The following CBLB variants were observed in gnomAD, a reference collection of about 807,000 sequenced individuals.
CBLB encodes Cbl proto-oncogene B.
A neutral mutation model predicts 104.9 loss-of-function variants in CBLB; 31 were observed. The ratio of observed to expected loss-of-function variants is 0.30; its 90% CI spans 0.22 to 0.40. CBLB has a LOEUF of 0.40. CBLB is among the 10% of genes least tolerant of loss of function. The pLI is 1.00. For missense variants in CBLB, 1,062 were observed against 1,214.6 expected, an observed-to-expected ratio of 0.87 and a Z score of 1.87; for synonymous variants, 440 against 422.6, an observed-to-expected ratio of 1.04 and a Z score of -0.51.
intron 8 of CBLB, among the ~76,000 whole-genome samples, chr3:105,735,474 CA>C (rs1640572793): frequency 6.6e-6 from 1 of 152,042 alleles, no homozygotes; most frequent in Admixed American, 6.5e-5. Flanking sequence ...ATGCAGATCT[CA>C]ATGCAACCTA....
intron 3 of CBLB, among the ~76,000 whole-genome samples, chr3:105,810,928 A>C (rs1276329779): frequency 6.6e-6 from 1 of 152,144 alleles, no homozygotes; most frequent in Non-Finnish European, 1.5e-5. Context: ...CTAAGTATAC[A>C]TATTTTATAA....
chr3:105,662,225 G>A (rs1359636663), intron 18 of CBLB, among the ~76,000 whole-genome samples: 1 of 152,084 alleles, frequency 6.6e-6, no homozygotes, highest in Non-Finnish European at 1.5e-5. Context: ...CTTTTTCACA[G>A]TACCTAAAAG....
At chr3:105,726,500 C>T (rs899165156) in intron 9 of CBLB, among the ~76,000 whole-genome samples, 1 of 151,120 alleles carries the variant, frequency 6.6e-6, no homozygotes, top group African/African-American at 2.4e-5. Flanking sequence ...ATATGAAGAA[C>T]ACAGTTTGGG....
At chr3:105,806,669 T>A (rs946287708) in intron 3 of CBLB, among the ~76,000 whole-genome samples, 1 of 152,140 alleles carries the variant, frequency 6.6e-6, no homozygotes, top group African/African-American at 2.4e-5. Flanking sequence ...AAGTTACTTT[T>A]AATTTTTTTT....
chr3:105,660,148 T>A (rs534066594), intron 18 of CBLB, among the ~76,000 whole-genome samples: 1 of 152,188 alleles, frequency 6.6e-6, no homozygotes, highest in Non-Finnish European at 1.5e-5. Context: ...TATAGCACTT[T>A]ATCTCAAAAG....
At chr3:105,855,947 C>G (rs2091546916) in intron 2 of CBLB, among the ~76,000 whole-genome samples, 1 of 152,114 alleles carries the variant, frequency 6.6e-6, no homozygotes, top group Admixed American at 6.6e-5. Flanking sequence ...ATAAAAGTGC[C>G]TGGGACAAAT....
chr3:105,843,022 T>A (rs1577757013), intron 3 of CBLB, among the ~76,000 whole-genome samples: 1 of 152,348 alleles, frequency 6.6e-6, no homozygotes, highest in East Asian at 1.9e-4. Context: ...GTCTGGCTCA[T>A]TTTTGTAAAT....
intron 13 of CBLB, among the ~76,000 whole-genome samples, chr3:105,686,132 T>A (rs2066969349): frequency 6.6e-6 from 1 of 152,148 alleles, no homozygotes. Context: ...TAAAAGAGAA[T>A]TAAAATGAGT....
At chr3:105,692,684 G>A (rs2067860047) in intron 13 of CBLB, among the ~76,000 whole-genome samples, 1 of 151,930 alleles carries the variant, frequency 6.6e-6, no homozygotes, top group Admixed American at 6.6e-5. Context: ...ATGGAAAAAG[G>A]GAAACAATGC....
In CBLB at chr3:105,665,253, A is replaced by G. The variant is rs145613388; in HGVS notation, c.2689+4980T>C. Among the ~76,000 whole-genome samples the G allele has an allele frequency of 1.1e-3, 161 of 151,742 alleles. 3 individuals carry two copies. In the East Asian group the frequency reaches 0.03, roughly 28 times the overall value. On this transcript the variant is annotated intron_variant, in intron 18 of 18. Coordinates refer to ENST00000394030, the MANE Select transcript of CBLB (RefSeq NM_170662.5). ...CCCTGTCTATACTAAAAATATAAAA[A>G]CTGCCTATAGTCCCAGCTACTTGGG...
intron 3 of CBLB, among the ~76,000 whole-genome samples, chr3:105,805,418 C>T (rs2083378732): frequency 6.6e-6 from 1 of 151,778 alleles, no homozygotes; most frequent in African/African-American, 2.4e-5. Flanking sequence ...GATTCCTGTG[C>T]CTCAGCTTCC....
chr3:105,848,036 G>A (rs2090500137), intron 3 of CBLB, among the ~76,000 whole-genome samples: 1 of 151,822 alleles, frequency 6.6e-6, no homozygotes, highest in Non-Finnish European at 1.5e-5. Flanking sequence ...ACATACACAT[G>A]CAAGCTTTAT....
intron 4 of CBLB, chr3:105,762,053 A>T (rs2077694540): frequency 6.6e-6 from 1 of 152,400 alleles, no homozygotes; most frequent in Non-Finnish European, 1.5e-5. Context: ...TTTTAACTTC[A>T]GAGAGATAAT....
At chr3:105,683,633 G>T (rs1328511542) in intron 14 of CBLB, among the ~76,000 whole-genome samples, 5 of 152,120 alleles carry the variant, frequency 3.3e-5, no homozygotes, top group East Asian at 1.9e-4. Flanking sequence ...CTGCACATTT[G>T]TAAGAGCCAA....
chr3:105,682,700 G>T (rs2066466175), intron 14 of CBLB, among the ~76,000 whole-genome samples: 1 of 151,984 alleles, frequency 6.6e-6, no homozygotes, highest in Admixed American at 6.6e-5. Flanking sequence ...GTAGGGTTTT[G>T]CCATGTTGCC....
intron 4 of CBLB, among the ~76,000 whole-genome samples, chr3:105,755,703 G>A (rs2077026704): frequency 2.0e-5 from 3 of 152,048 alleles, no homozygotes; most frequent in Admixed American, 6.6e-5. Flanking sequence ...CTTCTAGAAG[G>A]CAATTTGGAA....
chr3:105,676,299 GTTTC>G (rs1397511482), intron 17 of CBLB, among the ~76,000 whole-genome samples: 4 of 151,888 alleles, frequency 2.6e-5, no homozygotes, highest in African/African-American at 9.7e-5. Context: ...ATCTTGAGGG[GTTTC>G]TTTATGAAGA....
chr3:105,716,442 A>T (rs2071888837), intron 10 of CBLB, among the ~76,000 whole-genome samples: 1 of 152,206 alleles, frequency 6.6e-6, no homozygotes, highest in Non-Finnish European at 1.5e-5. Flanking sequence ...CAGTCCTTTA[A>T]ATAACAATTT....
intron 3 of CBLB, among the ~76,000 whole-genome samples, chr3:105,823,983 C>CTT (rs2086231504): frequency 6.6e-6 from 1 of 152,182 alleles, no homozygotes; most frequent in African/African-American, 2.4e-5. Context: ...CAAATAAACT[C>CTT]TGACATTTCT....
Sources: allele counts gnomAD v4.1 joint callset (sites outside exome capture counted in the v4.1 genomes callset), GRCh38; gene constraint gnomAD v4.1.1; transcripts MANE v1.5; gene names NCBI Gene and HGNC (gene_info 2026-07-23, HGNC 2026-07-21).